Variants in ZNF385D observed in about 807,000 individuals in gnomAD.
ZNF385D encodes the protein zinc finger protein 659.
A neutral mutation model predicts 35.8 loss-of-function variants in ZNF385D; 15 were observed. The observed-to-expected ratio is 0.42, with a 90% CI of 0.28 to 0.64. The LOEUF (loss-of-function observed/expected upper bound fraction) is 0.64, where lower values mean the gene tolerates loss of function less well. Ranked by LOEUF, ZNF385D falls within the 30% of genes least tolerant of loss-of-function variation. The probability of loss-of-function intolerance (pLI) is 0.23; values close to 1 mark genes in which losing one functional copy is unlikely to be tolerated. For synonymous variants in ZNF385D, 212 were observed against 186.8 expected (o/e 1.13, Z -1.10); for missense variants, 474 against 494.6 (o/e 0.96, Z 0.39).
At chr3:21,859,268 C>T (rs1170000164) in intron 3 of ZNF385D, among the ~76,000 whole-genome samples, 1 of 151,984 alleles carries the variant, frequency 6.6e-6, no homozygotes, top group Non-Finnish European at 1.5e-5. Flanking sequence ...TATACCCTGC[C>T]CGCAGATTCA....
At chr3:22,079,512 G>T (rs764931047) in intron 3 of ZNF385D, among the ~76,000 whole-genome samples, 7 of 151,996 alleles carry the variant, frequency 4.6e-5, no homozygotes, top group Non-Finnish European at 8.8e-5. Flanking sequence ...TGAATTAATG[G>T]TAATTACCAA....
intron 2 of ZNF385D, among the ~76,000 whole-genome samples, chr3:21,566,205 A>T (rs894747468): frequency 6.6e-6 from 1 of 152,196 alleles, no homozygotes; most frequent in Non-Finnish European, 1.5e-5. Flanking sequence ...AGTAGAACTC[A>T]TGGGCGTAAT....
intron 2 of ZNF385D, among the ~76,000 whole-genome samples, chr3:22,282,032 G>C (rs1023125321): frequency 6.6e-6 from 1 of 151,932 alleles, no homozygotes; most frequent in Non-Finnish European, 1.5e-5. Flanking sequence ...GTTTATGCGT[G>C]TAAAGGTGTT....
intron 3 of ZNF385D, among the ~76,000 whole-genome samples, chr3:21,764,003 A>G (rs1355673756): frequency 6.6e-6 from 1 of 152,166 alleles, no homozygotes; most frequent in Non-Finnish European, 1.5e-5. Flanking sequence ...AGATACTGCA[A>G]TGGAAGGTGG....
chr3:21,561,096 A>AC (rs995114229), intron 3 of ZNF385D, among the ~76,000 whole-genome samples: 4 of 152,002 alleles, frequency 2.6e-5, no homozygotes, highest in South Asian at 4.2e-4. Context: ...AGGGGGTGGG[A>AC]CCCCCGAGCC....
chr3:21,626,731 G>T (rs2065144779), intron 2 of ZNF385D, among the ~76,000 whole-genome samples: 1 of 152,118 alleles, frequency 6.6e-6, no homozygotes, highest in Non-Finnish European at 1.5e-5. Context: ...AACCTGAGAA[G>T]TGAGTTCAAA....
exon 2 of ZNF385D, chr3:22,372,646 A>AGCG (rs1696964289): frequency 3.3e-6 from 1 of 305,488 alleles, no homozygotes. Context: ...GCGAGCCGTG[A>AGCG]GCGGCGGCCA....
At chr3:22,187,022 G>A (rs989522836) in intron 2 of ZNF385D, among the ~76,000 whole-genome samples, 1 of 152,096 alleles carries the variant, frequency 6.6e-6, no homozygotes, top group African/African-American at 2.4e-5. Context: ...TCGCAGAGCT[G>A]GGTTTTGAAC....
intron 2 of ZNF385D, among the ~76,000 whole-genome samples, chr3:22,277,565 T>C (rs1263593339): frequency 2.0e-5 from 3 of 152,132 alleles, no homozygotes; most frequent in African/African-American, 7.2e-5. Context: ...GCATAAAGTT[T>C]TTATCATGCT....
At chr3:21,541,347 T>C (rs1249319332) in intron 3 of ZNF385D, among the ~76,000 whole-genome samples, 1 of 152,202 alleles carries the variant, frequency 6.6e-6, no homozygotes, top group Non-Finnish European at 1.5e-5. Context: ...TACCTTCTGC[T>C]TAATACTACT....
At chr3:22,266,727 G>A (rs1183594903) in intron 2 of ZNF385D, among the ~76,000 whole-genome samples, 3 of 151,846 alleles carry the variant, frequency 2.0e-5, no homozygotes, top group Admixed American at 6.6e-5. Context: ...ATGTCCCAAA[G>A]CAGTACTCTT....
chr3:22,180,955 C>G (rs562499019), intron 2 of ZNF385D, among the ~76,000 whole-genome samples: 16 of 114,246 alleles, frequency 1.4e-4, no homozygotes, highest in Non-Finnish European at 2.3e-4. Context: ...CTTTCTCCTT[C>G]TCTCATTTAT....
At chr3:22,229,462 A>G (rs1430013612) in intron 2 of ZNF385D, among the ~76,000 whole-genome samples, 2 of 152,158 alleles carry the variant, frequency 1.3e-5, no homozygotes, top group African/African-American at 2.4e-5. Context: ...GGTTTTCAGC[A>G]TTGATATTGT....
chr3:21,480,803 A>C (rs1559332925), intron 4 of ZNF385D, among the ~76,000 whole-genome samples: 2 of 152,162 alleles, frequency 1.3e-5, no homozygotes, highest in Admixed American at 6.6e-5. Flanking sequence ...AAGTAATTTA[A>C]ATCTGTCCTA....
chr3:21,872,817 G>T (rs998758746), intron 3 of ZNF385D, among the ~76,000 whole-genome samples: 1 of 152,030 alleles, frequency 6.6e-6, no homozygotes, highest in Non-Finnish European at 1.5e-5. Flanking sequence ...TCCCTCTAAA[G>T]ATGTAATTGT....
chr3:21,901,674 G>T (rs192983136), intron 3 of ZNF385D, among the ~76,000 whole-genome samples: 1 of 152,022 alleles, frequency 6.6e-6, no homozygotes, highest in Non-Finnish European at 1.5e-5. Context: ...TGGTAGTGTC[G>T]CAATCTGATA....
chr3:22,239,576 G>A (rs1271528400), intron 2 of ZNF385D, among the ~76,000 whole-genome samples: 1 of 149,732 alleles, frequency 6.7e-6, no homozygotes, highest in Non-Finnish European at 1.5e-5. Context: ...GTTGCTGGCA[G>A]ACTATTCCTG....
intron 2 of ZNF385D, among the ~76,000 whole-genome samples, chr3:22,322,488 G>A (rs1189440657): frequency 6.6e-6 from 1 of 152,098 alleles, no homozygotes; most frequent in Non-Finnish European, 1.5e-5. Flanking sequence ...GGATTGGGCA[G>A]AATTTTATAA....
chr3:21,982,166 T>C (rs1231816287), intron 3 of ZNF385D, among the ~76,000 whole-genome samples: 1 of 151,614 alleles, frequency 6.6e-6, no homozygotes, highest in Non-Finnish European at 1.5e-5. Flanking sequence ...CTGTGGGCAG[T>C]ATAGCCATTT....
Sources: gnomAD v4.1 joint callset for allele counts (sites outside exome capture counted in the v4.1 genomes callset) on GRCh38, gnomAD v4.1.1 for gene constraint, MANE v1.5 for transcripts, NCBI Gene and HGNC (gene_info 2026-07-23, HGNC 2026-07-21) for gene names.